Variants in MAGI1 observed in about 807,000 individuals in gnomAD.
The protein encoded by MAGI1 is membrane-associated guanylate kinase, WW and PDZ domain-containing protein 1.
MAGI1 carries 58 observed loss-of-function variants against 139.9 expected under a neutral mutation model. The observed-to-expected ratio is 0.41, with a 90% confidence interval of 0.34 to 0.52. The LOEUF (loss-of-function observed/expected upper bound fraction) is 0.52, where lower values mean the gene tolerates loss of function less well. Among genes scored for constraint, MAGI1 ranks in the 20% least tolerant of loss-of-function variants. The pLI is 0.12. For missense variants in MAGI1, 1,874 were observed against 1,901.6 expected (o/e 0.99, Z 0.27); for synonymous variants, 812 against 737.9 (o/e 1.10, Z -1.63).
intron 1 of MAGI1, among the ~76,000 whole-genome samples, chr3:65,796,630 A>G (rs946303510): frequency 6.6e-6 from 1 of 152,240 alleles, no homozygotes; most frequent in African/African-American, 2.4e-5. Flanking sequence ...AAGTATTTAT[A>G]TTCATTTACT....
At position 65,478,099 on chromosome 3, in the gene MAGI1, C is replaced by T. The variant is rs575478710; in HGVS notation, c.757+493G>A. ...CAATTTTGCGTAAGTTAACTGAACA[C>T]ATAATATCCTTCCATTATATCTCTG... On this transcript the variant is annotated intron_variant, in intron 4 of 22. Coordinates refer to ENST00000402939, the MANE Select transcript of MAGI1 (RefSeq NM_001033057.2). 6.6e-5 allele frequency among the ~76,000 whole-genome samples: 10 copies of T among 152,206 alleles called. No individual in the cohort carries two copies. The South Asian group carries it at 1.9e-3, about 28-fold the overall frequency.
At chr3:65,950,475 G>T (rs567108114) in intron 1 of MAGI1, among the ~76,000 whole-genome samples, 1 of 152,038 alleles carries the variant, frequency 6.6e-6, no homozygotes, top group African/African-American at 2.4e-5. Context: ...AAAGTATGTT[G>T]AGAATCCATG....
At chr3:65,739,240 A>G (rs1001812011) in intron 1 of MAGI1, among the ~76,000 whole-genome samples, 1 of 152,160 alleles carries the variant, frequency 6.6e-6, no homozygotes, top group Admixed American at 6.5e-5. Context: ...AAACTTCATG[A>G]ACCAACTTAT....
intron 1 of MAGI1, among the ~76,000 whole-genome samples, chr3:65,822,486 C>T (rs2042001790): frequency 6.6e-6 from 1 of 152,002 alleles, no homozygotes; most frequent in South Asian, 2.1e-4. Flanking sequence ...TGAGATGGCA[C>T]CACTGCACTC....
intron 1 of MAGI1, among the ~76,000 whole-genome samples, chr3:65,955,947 T>C (rs2064107215): frequency 6.6e-6 from 1 of 152,050 alleles, no homozygotes; most frequent in African/African-American, 2.4e-5. Context: ...CTGAAGATGA[T>C]TTCCTTCTCC....
chr3:65,405,639 G>T lies in MAGI1; in HGVS notation c.2168-4169C>A, dbSNP rs1339177036. 3.9e-5 allele frequency among the ~76,000 whole-genome samples: 6 copies of T among 151,932 alleles called. No individual in the cohort carries two copies. In the East Asian group the frequency reaches 1.2e-3, roughly 30 times the overall value. On this transcript the variant is annotated intron_variant, in intron 12 of 22. Coordinates refer to ENST00000402939, the MANE Select transcript of MAGI1 (RefSeq NM_001033057.2). The stretch of plus-strand genomic sequence containing the variant: ...GGACAGAGTCTCCTTCTGTTGCCCA[G>T]GCTGGAGTACAATGGTGTGATCTTG...
intron 1 of MAGI1, among the ~76,000 whole-genome samples, chr3:65,744,715 A>G (rs2035554928): frequency 6.6e-6 from 1 of 152,112 alleles, no homozygotes; most frequent in African/African-American, 2.4e-5. Flanking sequence ...TAATAAAGGT[A>G]AGAAAAAGAT....
intron 1 of MAGI1, among the ~76,000 whole-genome samples, chr3:65,622,463 A>G (rs911425515): frequency 6.6e-5 from 10 of 152,212 alleles, no homozygotes; most frequent in African/African-American, 2.4e-4. Flanking sequence ...TCAAATCATA[A>G]AATGTTCTTT....
At chr3:65,959,703 G>A (rs899657944) in intron 1 of MAGI1, among the ~76,000 whole-genome samples, 11 of 147,032 alleles carry the variant, frequency 7.5e-5, no homozygotes, top group Non-Finnish European at 1.6e-4. Flanking sequence ...GGACTCAAGT[G>A]ATCCTCCCAT....
intron 2 of MAGI1, among the ~76,000 whole-genome samples, chr3:65,579,004 A>AT (rs570514788): frequency 4.6e-5 from 7 of 150,664 alleles, no homozygotes; most frequent in South Asian, 2.1e-4. Context: ...AAAGCGATGC[A>AT]TTTTTTTGCG....
intron 1 of MAGI1, among the ~76,000 whole-genome samples, chr3:65,763,665 A>G (rs1240112878): frequency 1.3e-5 from 2 of 151,928 alleles, no homozygotes; most frequent in Non-Finnish European, 2.9e-5. Context: ...ATCTGTGCGC[A>G]TAAGCATTTC....
chr3:65,729,131 G>A (rs1056420851), intron 1 of MAGI1, among the ~76,000 whole-genome samples: 3 of 109,212 alleles, frequency 2.7e-5, no homozygotes, highest in East Asian at 3.5e-4. Flanking sequence ...GGGGGGGGGG[G>A]GGGGGATGAT....
intron 1 of MAGI1, among the ~76,000 whole-genome samples, chr3:65,799,103 G>A (rs370721536): frequency 1.3e-5 from 2 of 152,076 alleles, no homozygotes; most frequent in East Asian, 1.9e-4. Context: ...GAAAATTCTC[G>A]ATTTAATAAG....
At chr3:65,514,137 T>C (rs370490286) in intron 2 of MAGI1, among the ~76,000 whole-genome samples, 5 of 150,578 alleles carry the variant, frequency 3.3e-5, no homozygotes, top group Admixed American at 3.3e-4. Flanking sequence ...CCCTTCCTTA[T>C]ACCTTATACA....
intron 1 of MAGI1, among the ~76,000 whole-genome samples, chr3:65,676,561 G>A (rs1468637112): frequency 6.6e-6 from 1 of 152,168 alleles, no homozygotes; most frequent in African/African-American, 2.4e-5. Flanking sequence ...GGCCAGAAAG[G>A]TCATCTAGGA....
chr3:65,972,302 C>A (rs2065050362), intron 1 of MAGI1, among the ~76,000 whole-genome samples: 1 of 152,186 alleles, frequency 6.6e-6, no homozygotes, highest in Non-Finnish European at 1.5e-5. Context: ...GAGAAAGGAG[C>A]AGAGAATATA....
intron 9 of MAGI1, among the ~76,000 whole-genome samples, chr3:65,438,690 C>T (rs891930871): frequency 2.6e-5 from 4 of 152,154 alleles, no homozygotes; most frequent in Non-Finnish European, 2.9e-5. Context: ...TTGGATACAG[C>T]CTGTGAGCCA....
chr3:65,605,158 C>T (rs772285834), intron 2 of MAGI1, among the ~76,000 whole-genome samples: 15 of 152,178 alleles, frequency 9.9e-5, no homozygotes, highest in African/African-American at 1.2e-4. Context: ...ATTTGCATGA[C>T]GAGACCTCAC....
At chr3:65,936,246 A>G (rs1322374118) in intron 1 of MAGI1, among the ~76,000 whole-genome samples, 1 of 152,228 alleles carries the variant, frequency 6.6e-6, no homozygotes, top group Admixed American at 6.5e-5. Context: ...TAACAGGAAT[A>G]TGGTGGGAGG....
Sources: gnomAD v4.1 joint callset for allele counts (sites outside exome capture counted in the v4.1 genomes callset) on GRCh38, gnomAD v4.1.1 for gene constraint, MANE v1.5 for transcripts, NCBI Gene and HGNC (gene_info 2026-07-23, HGNC 2026-07-21) for gene names.